The following GCNT2 variants were observed in gnomAD, a reference collection of about 807,000 sequenced individuals.
The protein encoded by GCNT2 is N-acetyllactosaminide beta-1,6-N-acetylglucosaminyl-transferase.
GCNT2 carries 34 observed loss-of-function variants against 34.2 expected under a neutral mutation model. The ratio of observed to expected loss-of-function variants is 1.00; its 90% CI spans 0.76 to 1.32. GCNT2 has a LOEUF of 1.32. GCNT2 is among the 40% of genes most tolerant of loss of function. The pLI is 0.00. For missense variants in GCNT2, 584 were observed against 489.4 expected, an observed-to-expected ratio of 1.19 and a Z score of -1.82; for synonymous variants, 212 against 188.0, an observed-to-expected ratio of 1.13 and a Z score of -1.04.
At chr6:10,613,756 T>C (rs912258703) in intron 3 of GCNT2, among the ~76,000 whole-genome samples, 6 of 152,208 alleles carry the variant, frequency 3.9e-5, no homozygotes, top group African/African-American at 1.4e-4. Context: ...GTTTTTTCTG[T>C]GGGTTGCAGT....
At chr6:10,613,956 C>T (rs1765662831) in intron 3 of GCNT2, among the ~76,000 whole-genome samples, 2 of 152,084 alleles carry the variant, frequency 1.3e-5, no homozygotes, top group African/African-American at 4.8e-5. Context: ...TCTCTGGCAG[C>T]AGGCAGGAAA....
At chr6:10,618,085 G>A (rs1765872711) in intron 3 of GCNT2, among the ~76,000 whole-genome samples, 1 of 152,066 alleles carries the variant, frequency 6.6e-6, no homozygotes, top group Non-Finnish European at 1.5e-5. Context: ...GCTTCCAGGT[G>A]CTGCTGATGC....
intron 3 of GCNT2, among the ~76,000 whole-genome samples, chr6:10,563,539 C>T (rs990082225): frequency 6.6e-6 from 1 of 151,606 alleles, no homozygotes; most frequent in Non-Finnish European, 1.5e-5. Flanking sequence ...GTCAAGAGTT[C>T]GAGACCACCC....
At chr6:10,615,709 C>G (rs1286367318) in intron 3 of GCNT2, among the ~76,000 whole-genome samples, 1 of 114,424 alleles carries the variant, frequency 8.7e-6, no homozygotes, top group Non-Finnish European at 1.7e-5. Flanking sequence ...ACTCCATAGA[C>G]AGAGCAACCC....
chr6:10,546,934 T>C (rs951705844), intron 3 of GCNT2, among the ~76,000 whole-genome samples: 1 of 152,172 alleles, frequency 6.6e-6, no homozygotes, highest in Admixed American at 6.5e-5. Flanking sequence ...TATAAAAATA[T>C]ACTTTATGGA....
chr6:10,571,550 A>G (rs1763556615), intron 3 of GCNT2, among the ~76,000 whole-genome samples: 1 of 152,040 alleles, frequency 6.6e-6, no homozygotes, highest in Non-Finnish European at 1.5e-5. Flanking sequence ...ATGGGGTTTC[A>G]CCATGTTGGC....
chr6:10,586,789 T>C (rs1390909112), intron 3 of GCNT2: 1 of 1,613,924 alleles, frequency 6.2e-7, no homozygotes, highest in Non-Finnish European at 8.5e-7. Flanking sequence ...ACTGCCTATG[T>C]GGCGCTTACC....
intron 3 of GCNT2, among the ~76,000 whole-genome samples, chr6:10,612,365 T>C (rs1167809222): frequency 2.6e-5 from 4 of 152,154 alleles, no homozygotes; most frequent in South Asian, 2.1e-4. Flanking sequence ...TGGCAATGTC[T>C]GGAGAGATTT....
At chr6:10,623,348 G>C (rs1317575432) in intron 4 of GCNT2, among the ~76,000 whole-genome samples, 13 of 150,046 alleles carry the variant, frequency 8.7e-5, no homozygotes, top group Admixed American at 7.3e-4. Flanking sequence ...TGGAGTACAA[G>C]TGGCACAATC....
intron 3 of GCNT2, among the ~76,000 whole-genome samples, chr6:10,577,961 A>G (rs771091601): frequency 1.3e-5 from 2 of 152,190 alleles, no homozygotes; most frequent in Non-Finnish European, 2.9e-5. Context: ...CACCACCACC[A>G]TGACCACCCC....
At chr6:10,620,886 T>C (rs2127444519) in intron 3 of GCNT2, among the ~76,000 whole-genome samples, 1 of 152,296 alleles carries the variant, frequency 6.6e-6, no homozygotes, top group South Asian at 2.1e-4. Context: ...GTTGTCACAA[T>C]TGAGGAGAGG....
At chr6:10,593,977 T>C (rs1764748110) in intron 3 of GCNT2, among the ~76,000 whole-genome samples, 1 of 152,242 alleles carries the variant, frequency 6.6e-6, no homozygotes, top group African/African-American at 2.4e-5. Flanking sequence ...CTTAGTTTAC[T>C]CATCTGTGAT....
At chr6:10,577,531 T>G (rs1403012493) in intron 3 of GCNT2, among the ~76,000 whole-genome samples, 1 of 152,102 alleles carries the variant, frequency 6.6e-6, no homozygotes, top group African/African-American at 2.4e-5. Flanking sequence ...TTGAATGCGT[T>G]TATTTTTTAT....
chr6:10,614,530 G>A (rs568465633), intron 3 of GCNT2, among the ~76,000 whole-genome samples: 1 of 151,060 alleles, frequency 6.6e-6, no homozygotes, highest in East Asian at 1.9e-4. Context: ...GAAGGCTGAA[G>A]CAGGAGAATC....
At chr6:10,521,640 T>A (rs945696587) in intron 1 of GCNT2, 3 of 149,756 alleles carry the variant, frequency 2.0e-5, no homozygotes, top group African/African-American at 7.3e-5. Flanking sequence ...GTCATGAGAT[T>A]TCTGTTTTCA....
chr6:10,587,824 A>G (rs1316190459), intron 3 of GCNT2, among the ~76,000 whole-genome samples: 1 of 152,106 alleles, frequency 6.6e-6, no homozygotes, highest in Non-Finnish European at 1.5e-5. Flanking sequence ...TTCAACAGTG[A>G]CCCAGCATGG....
chr6:10,585,320 C>G (rs1764298181), intron 3 of GCNT2, among the ~76,000 whole-genome samples: 1 of 152,126 alleles, frequency 6.6e-6, no homozygotes, highest in African/African-American at 2.4e-5. Context: ...GCTGAGACTA[C>G]ACGTGCGTGC....
intron 1 of GCNT2, among the ~76,000 whole-genome samples, chr6:10,524,250 G>A (rs866539815): frequency 6.7e-6 from 1 of 150,052 alleles, no homozygotes; most frequent in Non-Finnish European, 1.5e-5. Context: ...ATAATCCAGG[G>A]CTTTTTTTTT....
At chr6:10,589,236 GGT>G (rs1242263631) in intron 3 of GCNT2, among the ~76,000 whole-genome samples, 62 of 147,048 alleles carry the variant, frequency 4.2e-4, no homozygotes, top group African/African-American at 1.4e-3. Flanking sequence ...GTATGTATCT[GGT>G]GTGTGTGTGG....
Sources: gnomAD v4.1 joint callset for allele counts (sites outside exome capture counted in the v4.1 genomes callset) on GRCh38, gnomAD v4.1.1 for gene constraint, MANE v1.5 for transcripts, NCBI Gene and HGNC (gene_info 2026-07-23, HGNC 2026-07-21) for gene names.